Variants in CRISPLD2 observed in about 807,000 individuals in gnomAD.
CRISPLD2 encodes the protein cysteine rich secretory protein LCCL domain containing 2.
A neutral mutation model predicts 71.1 loss-of-function variants in CRISPLD2; 47 were observed. The ratio of observed to expected loss-of-function variants is 0.66; its 90% confidence interval spans 0.52 to 0.84. CRISPLD2 has a LOEUF of 0.84. Among genes scored for constraint, CRISPLD2 ranks in the 40% least tolerant of loss-of-function variants. CRISPLD2 has a pLI of 0.00. For missense variants in CRISPLD2, 830 were observed against 651.1 expected (o/e 1.27, Z -2.99); for synonymous variants, 317 against 250.1 (o/e 1.27, Z -2.52).
chr16:84,867,613 T>G (rs528551740), intron 7 of CRISPLD2, among the ~76,000 whole-genome samples: 1 of 152,302 alleles, frequency 6.6e-6, no homozygotes, highest in East Asian at 1.9e-4. Context: ...GTCACCCAGG[T>G]TGGAGTCCAG....
chr16:84,845,771 C>G lies in CRISPLD2; in HGVS notation c.241-15C>G. On this transcript the variant is annotated splice_polypyrimidine_tract_variant and intron_variant, in intron 2 of 14. Transcript: ENST00000262424. Reference sequence around the variant, plus strand: ...CACCCTCACCTCCTGGTGCCCGTTTCTCCTTCTCCTGCAGACCTGGGATGA... The same window carrying G: ...CACCCTCACCTCCTGGTGCCCGTTTGTCCTTCTCCTGCAGACCTGGGATGA... 1 of 1,586,524 alleles carries G rather than the reference C, an allele frequency of 6.3e-7. No individual in the cohort carries two copies. The highest frequency in any genetic ancestry group is 8.6e-7 in the Non-Finnish European group (1 of 1,156,398).
chr16:84,883,406 G>A (rs1487875734), intron 13 of CRISPLD2, among the ~76,000 whole-genome samples: 1 of 152,252 alleles, frequency 6.6e-6, no homozygotes, highest in African/African-American at 2.4e-5. Flanking sequence ...GCATCGGGGT[G>A]TGGCCCAGGG....
intron 14 of CRISPLD2, among the ~76,000 whole-genome samples, chr16:84,903,222 C>T (rs535884443): frequency 5.9e-5 from 9 of 152,292 alleles, no homozygotes; most frequent in African/African-American, 1.4e-4. Flanking sequence ...CGGGTCTCCT[C>T]TCCAGCCTGG....
chr16:84,858,831 C>G (rs1274891141), intron 6 of CRISPLD2, among the ~76,000 whole-genome samples: 2 of 152,182 alleles, frequency 1.3e-5, no homozygotes, highest in Non-Finnish European at 2.9e-5. Flanking sequence ...GGCTGCATAC[C>G]AGGTACCAGG....
intron 7 of CRISPLD2, 108 bp from the exon 8 acceptor site, chr16:84,868,743 G>C (rs1296499245): frequency 8.6e-6 from 8 of 930,196 alleles, no homozygotes; most frequent in Admixed American, 2.0e-5. Context: ...TCTTAGTATA[G>C]CACGGATTGG....
intron 7 of CRISPLD2, among the ~76,000 whole-genome samples, chr16:84,867,783 A>G (rs1238938947): frequency 1.3e-5 from 2 of 152,158 alleles, no homozygotes; most frequent in African/African-American, 2.4e-5. Context: ...TGGGACTTCC[A>G]GGAATCCCCA....
chr16:84,893,748 A>G (rs374828960), intron 14 of CRISPLD2, among the ~76,000 whole-genome samples: 9 of 152,246 alleles, frequency 5.9e-5, no homozygotes, highest in African/African-American at 2.2e-4. Context: ...GGGTGTGGCC[A>G]TGCCCTGTCC....
At chr16:84,820,880 G>C (rs1018454530) in intron 1 of CRISPLD2, among the ~76,000 whole-genome samples, 2 of 152,088 alleles carry the variant, frequency 1.3e-5, no homozygotes, top group African/African-American at 4.8e-5. Context: ...TCTGGAGTGT[G>C]GGGGAGATCG....
chr16:84,831,171 GAC>G (rs1916479476), intron 1 of CRISPLD2, among the ~76,000 whole-genome samples: 1 of 152,160 alleles, frequency 6.6e-6, no homozygotes, highest in Non-Finnish European at 1.5e-5. Context: ...CATGGAAGAG[GAC>G]AGAGCTCCAT....
At position 84,869,934 on chromosome 16, in the gene CRISPLD2, G is replaced by T. The variant is rs190693031; in HGVS notation, c.914+1023G>T. 3.7e-3 allele frequency among the ~76,000 whole-genome samples: 562 copies of T among 152,316 alleles called. 3 individuals carry two copies. Among genetic ancestry groups the T allele is most frequent in the Non-Finnish European group, 5.5e-3 (373 of 68,032 alleles). On this transcript the variant is annotated intron_variant, in intron 8 of 14. Transcript: ENST00000262424. ...ACATCGAGGCAGTTCCAGAGTTGGG[G>T]TGGGTGGGGCACTCCCCATGCAGGG...
intron 1 of CRISPLD2, among the ~76,000 whole-genome samples, chr16:84,835,132 C>T (rs894347620): frequency 1.3e-5 from 2 of 151,964 alleles, no homozygotes; most frequent in African/African-American, 2.4e-5. Context: ...CTCTTGTCTC[C>T]CAGGCTAGAG....
At chr16:84,888,259 T>A (rs1401117211) in intron 13 of CRISPLD2, among the ~76,000 whole-genome samples, 1 of 152,118 alleles carries the variant, frequency 6.6e-6, no homozygotes, top group Non-Finnish European at 1.5e-5. Context: ...TTGGGCCGAG[T>A]GCAGTGGCTC....
chr16:84,862,617 G>A (rs189643505), intron 6 of CRISPLD2, among the ~76,000 whole-genome samples: 3 of 149,364 alleles, frequency 2.0e-5, no homozygotes, highest in Admixed American at 2.0e-4. Context: ...CAGAAGTTAT[G>A]TCCCCGATGG....
intron 1 of CRISPLD2, among the ~76,000 whole-genome samples, chr16:84,835,280 G>A (rs1404040206): frequency 6.6e-6 from 1 of 152,060 alleles, no homozygotes; most frequent in East Asian, 1.9e-4. Context: ...AGTAGAGACG[G>A]GGTTTCTCCG....
At chr16:84,898,333 C>T (rs765753892) in intron 14 of CRISPLD2, among the ~76,000 whole-genome samples, 6 of 152,196 alleles carry the variant, frequency 3.9e-5, no homozygotes, top group Non-Finnish European at 8.8e-5. Context: ...CGCCCCACTC[C>T]CATTCAAGGC....
intron 14 of CRISPLD2, among the ~76,000 whole-genome samples, chr16:84,904,065 G>T (rs1310323869): frequency 6.6e-6 from 1 of 152,190 alleles, no homozygotes; most frequent in Non-Finnish European, 1.5e-5. Context: ...TGGTCCAAAG[G>T]TGCAGTTATC....
At chr16:84,879,109 AC>A (rs1197460309) in intron 12 of CRISPLD2, among the ~76,000 whole-genome samples, 2 of 152,042 alleles carry the variant, frequency 1.3e-5, no homozygotes, top group Non-Finnish European at 2.9e-5. Flanking sequence ...CTTGACTGCC[AC>A]CCCACTTCAG....
At chr16:84,883,117 C>G (rs914409766) in intron 13 of CRISPLD2, among the ~76,000 whole-genome samples, 1 of 151,928 alleles carries the variant, frequency 6.6e-6, no homozygotes, top group Non-Finnish European at 1.5e-5. Context: ...ACTTAAGTAG[C>G]TCTTCAAAAA....
At chr16:84,856,502 A>G (rs1385450652) in intron 6 of CRISPLD2, among the ~76,000 whole-genome samples, 4 of 152,210 alleles carry the variant, frequency 2.6e-5, no homozygotes, top group Non-Finnish European at 5.9e-5. Context: ...CCTCTAGGCC[A>G]GCAGAATGTA....
Sources: allele counts gnomAD v4.1 joint callset (sites outside exome capture counted in the v4.1 genomes callset), GRCh38; gene constraint gnomAD v4.1.1; transcripts MANE v1.5; gene names NCBI Gene and HGNC (gene_info 2026-07-23, HGNC 2026-07-21).